The following DOCK10 variants were observed in gnomAD, a reference collection of about 807,000 sequenced individuals.
DOCK10 encodes the protein dedicator of cytokinesis 10.
In DOCK10, 145 loss-of-function variants were observed where a neutral mutation model predicts 280.1. That is an observed-to-expected ratio of 0.52 (90% CI 0.45 to 0.59). DOCK10 has a LOEUF of 0.59. Among genes scored for constraint, DOCK10 ranks in the 20% least tolerant of loss-of-function variants. DOCK10 has a pLI of 0.00. For synonymous variants in DOCK10, 915 were observed against 942.2 expected (o/e 0.97, Z 0.53); for missense variants, 2,368 against 2,651.7 (o/e 0.89, Z 2.35).
At position 225,033,386 on chromosome 2, in the gene DOCK10, T is replaced by C. The variant is rs555012243; in HGVS notation, c.123+8866A>G. Among the ~76,000 whole-genome samples the C allele has an allele frequency of 6.6e-5, 10 of 152,214 alleles. No homozygotes were observed. In the South Asian group the frequency reaches 8.3e-4, roughly 13 times the overall value. On this transcript the variant is annotated intron_variant, in intron 1 of 55. Transcript: ENST00000258390. ...TTAGTAGAGATGGGGTTTCGCCATA[T>C]TGGTCAGGCTGGTCTCGAACTCCTG...
At chr2:224,962,373 A>C (rs1704498682) in intron 1 of DOCK10, among the ~76,000 whole-genome samples, 1 of 152,348 alleles carries the variant, frequency 6.6e-6, no homozygotes, top group Non-Finnish European at 1.5e-5. Context: ...GCACTAAATA[A>C]GCACTGTAGT....
At chr2:224,801,081 T>C (rs748055269) in intron 40 of DOCK10, among the ~76,000 whole-genome samples, 1 of 151,976 alleles carries the variant, frequency 6.6e-6, no homozygotes, top group Non-Finnish European at 1.5e-5. Context: ...AACATTCTTA[T>C]TATGTAGATG....
At chr2:224,954,304 C>T (rs957648737) in intron 1 of DOCK10, among the ~76,000 whole-genome samples, 1 of 152,038 alleles carries the variant, frequency 6.6e-6, no homozygotes, top group Non-Finnish European at 1.5e-5. Context: ...TCAGAGATAT[C>T]CATTTCCAGA....
chr2:224,986,607 C>G (rs907450278), intron 1 of DOCK10, among the ~76,000 whole-genome samples: 135 of 134,786 alleles, frequency 1.0e-3, no homozygotes, highest in Non-Finnish European at 7.4e-4. Flanking sequence ...GGAATAAACA[C>G]CAGCTCTCTC....
intron 1 of DOCK10, among the ~76,000 whole-genome samples, chr2:225,020,189 A>C (rs1245324981): frequency 1.3e-5 from 2 of 149,932 alleles, no homozygotes; most frequent in African/African-American, 5.1e-5. Flanking sequence ...ATTGATATTA[A>C]AGTATATATA....
At position 224,886,043 on chromosome 2, in the gene DOCK10, G is replaced by A. The variant is rs1447543311; in HGVS notation, c.612+20C>T. On this transcript the variant is annotated intron_variant, in intron 6 of 55. Transcript: ENST00000258390. ...TAAGAAGGGTGACAGAGATAAAGATGAGTCTTGATATCTCCTTACCCGAAC... is the reference window on the plus strand; with the variant it reads ...TAAGAAGGGTGACAGAGATAAAGATAAGTCTTGATATCTCCTTACCCGAAC... The A allele has an allele frequency of 5.6e-6, 9 of 1,613,460 alleles. No individual in the cohort carries two copies. The highest frequency in any genetic ancestry group is 1.7e-4 in the Middle Eastern group (1 of 6,000).
intron 1 of DOCK10, among the ~76,000 whole-genome samples, chr2:225,020,191 G>GTATA (rs373779301): frequency 9.9e-5 from 15 of 150,790 alleles, no homozygotes; most frequent in African/African-American, 2.4e-4. Flanking sequence ...TGATATTAAA[G>GTATA]TATATATATA....
chr2:225,002,405 A>G (rs1706463945), intron 1 of DOCK10, among the ~76,000 whole-genome samples: 1 of 152,250 alleles, frequency 6.6e-6, no homozygotes. Context: ...AAGCAGGCAC[A>G]GACCAAGAAC....
At chr2:224,979,312 G>A (rs1238723980) in intron 1 of DOCK10, among the ~76,000 whole-genome samples, 1 of 152,206 alleles carries the variant, frequency 6.6e-6, no homozygotes, top group Non-Finnish European at 1.5e-5. Context: ...AAGACACAAA[G>A]ACACAAGGAG....
At chr2:224,879,689 T>C (rs991182721) in intron 7 of DOCK10, among the ~76,000 whole-genome samples, 2 of 151,592 alleles carry the variant, frequency 1.3e-5, no homozygotes, top group Non-Finnish European at 2.9e-5. Context: ...ACCCAGGAGG[T>C]AGAGGTTGCA....
intron 27 of DOCK10, among the ~76,000 whole-genome samples, chr2:224,824,560 C>G (rs551933153): frequency 6.0e-5 from 9 of 151,132 alleles, no homozygotes; most frequent in Non-Finnish European, 1.0e-4. Context: ...CCTCAGCCTC[C>G]CAAGTGGCTA....
At chr2:224,997,692 TAGG>T (rs1706313845) in intron 1 of DOCK10, among the ~76,000 whole-genome samples, 1 of 152,174 alleles carries the variant, frequency 6.6e-6, no homozygotes, top group African/African-American at 2.4e-5. Context: ...GCAGCCCATG[TAGG>T]AGTACATGCA....
At chr2:225,033,232 G>C (rs1243990634) in intron 1 of DOCK10, among the ~76,000 whole-genome samples, 4 of 151,826 alleles carry the variant, frequency 2.6e-5, no homozygotes, top group Non-Finnish European at 5.9e-5. Flanking sequence ...ATCCAGGCTG[G>C]AGTGCAGTGG....
chr2:224,830,952 T>A (rs375300262), intron 26 of DOCK10, among the ~76,000 whole-genome samples: 9 of 79,692 alleles, frequency 1.1e-4, no homozygotes, highest in African/African-American at 3.5e-4. Context: ...TTATTTATTT[T>A]TTGAGACAGT....
At position 224,876,232 on chromosome 2, in the gene DOCK10, A is replaced by AAAAG. The variant is rs756204425; in HGVS notation, c.748-15_748-12dup. 1.9e-6 allele frequency: 3 copies of AAAAG among 1,580,814 alleles called. No homozygotes were observed. The highest frequency in any genetic ancestry group is 2.6e-6 in the Non-Finnish European group (3 of 1,162,340). On this transcript the variant is annotated splice_polypyrimidine_tract_variant and intron_variant, in intron 7 of 55. Transcript: ENST00000258390. Reference sequence around the variant, plus strand: ...TCTTAGTCTGTTATTCTGTGGTATAAAAAGAAAGAAAGAAAAAGAGAATAC... The same window carrying AAAAG: ...TCTTAGTCTGTTATTCTGTGGTATAAAAAGAAAGAAAGAAAGAAAAAGAGAATAC...
intron 1 of DOCK10, among the ~76,000 whole-genome samples, chr2:224,989,390 A>G (rs1706067495): frequency 6.6e-6 from 1 of 152,236 alleles, no homozygotes; most frequent in Non-Finnish European, 1.5e-5. Context: ...GATTAGTGGA[A>G]TGAATGAATC....
At position 225,035,975 on chromosome 2, in the gene DOCK10, A is replaced by C. The variant is rs368784507; in HGVS notation, c.123+6277T>G. On this transcript the variant is annotated intron_variant, in intron 1 of 55. Transcript: ENST00000258390. Reference sequence around the variant, plus strand: ...TTACCTCCCAAAGGCCTCACCTCCTAACCGCATCATATAGGGGGTTAAGGC... The same window carrying C: ...TTACCTCCCAAAGGCCTCACCTCCTCACCGCATCATATAGGGGGTTAAGGC... 3.3e-5 allele frequency among the ~76,000 whole-genome samples: 5 copies of C among 152,132 alleles called. No individual in the cohort carries two copies. The South Asian group carries it at 1.0e-3, about 32-fold the overall frequency.
At chr2:224,918,010 A>C (rs1701432337) in intron 2 of DOCK10, among the ~76,000 whole-genome samples, 1 of 152,192 alleles carries the variant, frequency 6.6e-6, no homozygotes. Flanking sequence ...AGAATCTCCA[A>C]ACCCATCCTC....
chr2:224,879,063 T>C (rs1698816588), intron 7 of DOCK10, among the ~76,000 whole-genome samples: 1 of 152,220 alleles, frequency 6.6e-6, no homozygotes, highest in Non-Finnish European at 1.5e-5. Context: ...AAAGAGGTAC[T>C]GGGTTCTATG....
Sources: allele counts gnomAD v4.1 joint callset (sites outside exome capture counted in the v4.1 genomes callset), GRCh38; gene constraint gnomAD v4.1.1; transcripts MANE v1.5; gene names NCBI Gene and HGNC (gene_info 2026-07-23, HGNC 2026-07-21).